VPS54: variants seen among roughly 807,000 people sequenced by gnomAD.
VPS54 encodes VPS54 subunit of GARP complex.
A neutral mutation model predicts 121.5 loss-of-function variants in VPS54; 45 were observed. The ratio of observed to expected loss-of-function variants is 0.37; its 90% CI spans 0.29 to 0.47. The LOEUF is 0.47. VPS54 is among the 20% of genes least tolerant of loss of function. The probability of loss-of-function intolerance (pLI) is 0.99; values close to 1 mark genes in which losing one functional copy is unlikely to be tolerated. For synonymous variants in VPS54, 371 were observed against 385.8 expected (o/e 0.96, Z 0.45); for missense variants, 1,090 against 1,131.4 (o/e 0.96, Z 0.52).
chr2:63,942,992 C>T (rs1265435187), intron 10 of VPS54, among the ~76,000 whole-genome samples: 1 of 152,170 alleles, frequency 6.6e-6, no homozygotes, highest in African/African-American at 2.4e-5. Context: ...AAAATAGCAG[C>T]AGCTTATTGG....
At chr2:63,966,066 T>C in intron 5 of VPS54, 100 bp from the exon 6 acceptor site, 1 of 1,190,768 alleles carries the variant, frequency 8.4e-7, no homozygotes, top group South Asian at 1.7e-5. Context: ...ACGTGGATCT[T>C]GAGTATGAAT....
chr2:63,974,810 A>C lies in VPS54; in HGVS notation c.379-2566T>G, dbSNP rs546954515. ...TCTTGCAAGCTTACTATAGTCACTT[A>C]TTAGTTCCAGGAGTTTCTTTTTGGA... On this transcript the variant is annotated intron_variant, in intron 3 of 22. Transcript: ENST00000272322. Among the ~76,000 whole-genome samples the C allele has an allele frequency of 2.6e-4, 40 of 152,276 alleles. No individual in the cohort carries two copies. In the East Asian group the frequency reaches 5.6e-3, roughly 21 times the overall value.
At chr2:63,971,086 A>G (rs147328472) in intron 4 of VPS54, among the ~76,000 whole-genome samples, 63 of 152,246 alleles carry the variant, frequency 4.1e-4, no homozygotes, top group Middle Eastern at 3.4e-3. Context: ...CCAGTTGTCC[A>G]AGCAAGAAAC....
At chr2:63,928,835 GCA>G (rs1674045789) in intron 12 of VPS54, among the ~76,000 whole-genome samples, 1 of 85,414 alleles carries the variant, frequency 1.2e-5, no homozygotes. Flanking sequence ...CAAATGGAAA[GCA>G]AAAAAAAAAA....
rs141587325 is a variant in VPS54 at position 63,956,619 on chromosome 2, T to G, written c.1010+5439A>C. Among the ~76,000 whole-genome samples, 171 of 152,298 alleles carry G rather than the reference T, an allele frequency of 1.1e-3. 1 individual carries two copies. The highest frequency in any genetic ancestry group is 2.9e-3 in the Admixed American group (45 of 15,308). On this transcript the variant is annotated intron_variant, in intron 7 of 22. Transcript: ENST00000272322. ...GCTCTCAAGCCCAGTGAGACCCAAG[T>G]TGAATCTCTACTGTACTGTTACTTA...
chr2:63,919,419 T>G (rs1673534106), intron 15 of VPS54, among the ~76,000 whole-genome samples: 1 of 152,110 alleles, frequency 6.6e-6, no homozygotes, highest in Non-Finnish European at 1.5e-5. Context: ...CTCAATTCTG[T>G]CTCAATATAG....
At chr2:63,983,125 A>G (rs116406874) in intron 2 of VPS54, among the ~76,000 whole-genome samples, 4,255 of 151,782 alleles carry the variant, frequency 0.028, 194 homozygotes, top group African/African-American at 0.098. Flanking sequence ...TTAAAAAAAA[A>G]TTTCAATTTC....
At chr2:63,938,568 G>A (rs1342222259) in intron 11 of VPS54, among the ~76,000 whole-genome samples, 2 of 152,104 alleles carry the variant, frequency 1.3e-5, no homozygotes, top group African/African-American at 4.8e-5. Context: ...GGGTTCAAGC[G>A]ATTCTCCTGC....
At chr2:63,930,850 A>C (rs1674159878) in intron 12 of VPS54, among the ~76,000 whole-genome samples, 2 of 152,222 alleles carry the variant, frequency 1.3e-5, no homozygotes, top group African/African-American at 4.8e-5. Flanking sequence ...AAAAATCACA[A>C]GCATTTCTAT....
At chr2:63,939,155 C>A (rs1674600449) in intron 11 of VPS54, among the ~76,000 whole-genome samples, 1 of 152,010 alleles carries the variant, frequency 6.6e-6, no homozygotes. Context: ...GGGTGGATCA[C>A]AAGGTCAGGA....
At position 63,972,718 on chromosome 2, in the gene VPS54, T is replaced by C. The variant is rs1676342761; in HGVS notation, c.379-474A>G. 2.0e-5 allele frequency among the ~76,000 whole-genome samples: 3 copies of C among 151,792 alleles called. No individual in the cohort carries two copies. In the South Asian group the frequency reaches 6.2e-4, roughly 32 times the overall value. On this transcript the variant is annotated intron_variant, in intron 3 of 22. Coordinates refer to ENST00000272322, the MANE Select transcript of VPS54 (RefSeq NM_016516.3). The stretch of plus-strand genomic sequence containing the variant: ...CTGGCCAACATGGTGAAACCTCGTC[T>C]CTACCAAAAATTAGCCAGGAGTAGT...
At position 63,921,352 on chromosome 2, in the gene VPS54, A is replaced by T. The variant is rs1033240451; in HGVS notation, c.1740-17T>A. ...TCACTGACCCTGAAAATAACAAAAT[A>T]AGATTTAGTCAGGGAAAGTTGTAAA... On this transcript the variant is annotated splice_polypyrimidine_tract_variant and intron_variant, in intron 12 of 22. Coordinates refer to ENST00000272322, the MANE Select transcript of VPS54 (RefSeq NM_016516.3). 2.1e-5 allele frequency: 34 copies of T among 1,609,612 alleles called. No individual in the cohort carries two copies. The highest frequency in any genetic ancestry group is 2.8e-5 in the Non-Finnish European group (33 of 1,177,660).
chr2:63,988,741 G>A (rs573750554), intron 1 of VPS54, among the ~76,000 whole-genome samples: 16 of 152,108 alleles, frequency 1.1e-4, no homozygotes, highest in East Asian at 1.9e-4. Flanking sequence ...TGATGATTGC[G>A]TTAACTGCAC....
Position 63,924,174 on chromosome 2 carries a change from A to G in VPS54, c.1740-2839T>C, listed in dbSNP as rs553885060. ...TGCATCCAGTTTAAAAGGATCTCAA[A>G]TGGTGTGGCAGAAAGCTAACTATCT... On this transcript the variant is annotated intron_variant, in intron 12 of 22. Transcript: ENST00000272322. Among the ~76,000 whole-genome samples the G allele has an allele frequency of 3.3e-5, 5 of 152,206 alleles. No homozygotes were observed. The East Asian group carries it at 9.6e-4, about 29-fold the overall frequency.
chr2:63,976,823 C>CTTTTTTTTTT (rs1481086180), intron 3 of VPS54, among the ~76,000 whole-genome samples: 5 of 68,038 alleles, frequency 7.3e-5, no homozygotes, highest in African/African-American at 2.4e-4. Flanking sequence ...CTTATATCTT[C>CTTTTTTTTTT]TCTTTTTTTT....
chr2:63,919,523 G>C (rs1364329051), intron 15 of VPS54, among the ~76,000 whole-genome samples: 1 of 151,976 alleles, frequency 6.6e-6, no homozygotes, highest in Non-Finnish European at 1.5e-5. Flanking sequence ...ATTATATAAA[G>C]CTGGTTTCAA....
chr2:63,974,027 C>T (rs561239846), intron 3 of VPS54, among the ~76,000 whole-genome samples: 1 of 152,212 alleles, frequency 6.6e-6, no homozygotes, highest in South Asian at 2.1e-4. Flanking sequence ...CATTACCAAA[C>T]CCAAGGTTAC....
chr2:64,003,611 A>G (rs1377365552), intron 1 of VPS54, among the ~76,000 whole-genome samples: 1 of 152,198 alleles, frequency 6.6e-6, no homozygotes, highest in Non-Finnish European at 1.5e-5. Context: ...TATGTAGAAC[A>G]TATCAGAACA....
At chr2:63,943,964 T>G (rs908126969) in intron 10 of VPS54, among the ~76,000 whole-genome samples, 3 of 151,800 alleles carry the variant, frequency 2.0e-5, no homozygotes, top group African/African-American at 7.3e-5. Flanking sequence ...ACTCTTGGGC[T>G]CAAGCGATTC....
Sources: gnomAD v4.1 joint callset for allele counts (sites outside exome capture counted in the v4.1 genomes callset) on GRCh38, gnomAD v4.1.1 for gene constraint, MANE v1.5 for transcripts, NCBI Gene and HGNC (gene_info 2026-07-23, HGNC 2026-07-21) for gene names.